The following AR variants were observed in gnomAD, a reference collection of about 807,000 sequenced individuals.
AR encodes the protein dihydrotestosterone receptor.
A neutral mutation model predicts 53.9 loss-of-function variants in AR; 8 were observed. The observed-to-expected ratio is 0.15, with a 90% CI of 0.09 to 0.27. The LOEUF is 0.27. Ranked by LOEUF, AR falls within the 10% of genes least tolerant of loss-of-function variation. The pLI, the probability that AR is intolerant of heterozygous loss-of-function variation, is 1.00. For missense variants in AR, 639 were observed against 742.5 expected (o/e 0.86, Z 1.62); for synonymous variants, 359 against 316.4 (o/e 1.13, Z -1.43).
rs745802217 is a variant in AR, at chrX:67,574,727, T to A, written c.1616+27965T>A. On this transcript the variant is annotated intron_variant, in intron 1 of 7. Coordinates refer to ENST00000374690, the MANE Select transcript of AR (RefSeq NM_000044.6). ...AAGATAAATTCTCCTAAAAGAGAGG[T>A]GCTACAATTAATCCAAGCAAAGGGA... Among the ~76,000 whole-genome samples the A allele has an allele frequency of 3.1e-4, 35 of 111,565 alleles. 1 individual carries two copies. The highest frequency in any genetic ancestry group is 1.3e-3 in the Admixed American group (14 of 10,478).
chrX:67,635,976 T>C (rs1245711847), intron 1 of AR, among the ~76,000 whole-genome samples: 1 of 111,734 alleles, frequency 8.9e-6, no homozygotes, highest in Non-Finnish European at 1.9e-5. Flanking sequence ...TTTTAGTTTT[T>C]CTTTCATTAT....
At chrX:67,597,982 C>T (rs765751031) in intron 1 of AR, among the ~76,000 whole-genome samples, 47 of 111,815 alleles carry the variant, frequency 4.2e-4, no homozygotes, top group African/African-American at 1.5e-3. Context: ...CCCTGGTTGC[C>T]TTTACTACTG....
At chrX:67,557,273 C>A (rs1290638204) in intron 1 of AR, among the ~76,000 whole-genome samples, 1 of 110,431 alleles carries the variant, frequency 9.1e-6, no homozygotes, top group Non-Finnish European at 1.9e-5. Context: ...ATGGTATAGC[C>A]AACAGCATTT....
chrX:67,631,026 C>T (rs1057252105), intron 1 of AR, among the ~76,000 whole-genome samples: 3 of 111,652 alleles, frequency 2.7e-5, no homozygotes, highest in African/African-American at 9.8e-5. Flanking sequence ...GTCTGATGGG[C>T]TTCCCTTTGA....
At chrX:67,685,881 C>A in intron 2 of AR, 129 bp from the exon 3 acceptor site, 5 of 978,251 alleles carry the variant, frequency 5.1e-6, no homozygotes, top group Middle Eastern at 3.4e-4. Context: ...TTGTTTGGTG[C>A]CATACTCTGT....
At position 67,726,927 on chromosome X, in the gene AR, G is replaced by A. The variant is rs1271221182; in HGVS notation, c.*3086G>A. On this transcript the variant is annotated 3_prime_UTR_variant, in exon 8 of 8. Transcript: ENST00000374690. ...GGATCACTCACTGGAAAAGTCACAA[G>A]GACCATCTCCAAACAAGTTGGCAGT... 2 of 173,380 alleles carry A rather than the reference G, an allele frequency of 1.2e-5. No homozygotes were observed. Among genetic ancestry groups the A allele is most frequent in the Non-Finnish European group, 2.2e-5 (2 of 90,770 alleles). 14.3% of individuals were successfully genotyped at this position (173,380 alleles called of 1,213,427 possible).
At chrX:67,678,556 G>A (rs1401735812) in intron 2 of AR, among the ~76,000 whole-genome samples, 1 of 111,724 alleles carries the variant, frequency 9.0e-6, no homozygotes, top group Admixed American at 9.5e-5. Context: ...TTTAGGTTCA[G>A]GGGTTCATGT....
In AR at chrX:67,544,757, A is replaced by G. The variant is rs953809337; in HGVS notation, c.-390A>G. ...TAGCCAAAAAACAAAACAAACAAAA[A>G]CAAAAAAGCCGAAATAAAAGAAAAA... On this transcript the variant is annotated 5_prime_UTR_variant, in exon 1 of 8. Coordinates refer to ENST00000374690, the MANE Select transcript of AR (RefSeq NM_000044.6). The G allele has an allele frequency of 6.6e-5, 12 of 181,839 alleles. No homozygotes were observed. Among genetic ancestry groups the G allele is most frequent in the African/African-American group, 2.7e-4 (9 of 33,904 alleles). The allele number at this position is 181,839 out of a possible 1,213,427, so 15.0% of individuals were successfully genotyped here.
At chrX:67,635,449 C>T (rs998980654) in intron 1 of AR, among the ~76,000 whole-genome samples, 1 of 111,432 alleles carries the variant, frequency 9.0e-6, no homozygotes, top group Non-Finnish European at 1.9e-5. Context: ...CATTTCACCC[C>T]GCTTCCACAG....
In AR at chrX:67,646,283, A is replaced by C. The variant is rs190123690; in HGVS notation, c.1768+2876A>C. 3.0e-3 allele frequency among the ~76,000 whole-genome samples: 329 copies of C among 111,417 alleles called. 2 individuals are homozygous for C. The highest frequency in any genetic ancestry group is 5.4e-3 in the Non-Finnish European group (288 of 53,115). ...GTTTTGTTGTTGAGGAAGAGTGGGA[A>C]GAGGGAGTCCTACATTTTCTCCTTG... is the stretch of plus-strand genomic sequence containing the variant. On this transcript the variant is annotated intron_variant, in intron 2 of 7. Coordinates refer to ENST00000374690, the MANE Select transcript of AR (RefSeq NM_000044.6).
intron 1 of AR, among the ~76,000 whole-genome samples, chrX:67,555,152 C>T (rs28753893): frequency 1.2e-3 from 135 of 109,935 alleles, no homozygotes; most frequent in African/African-American, 4.4e-3. Context: ...TGTATGAGAT[C>T]CTGGATTGTA....
intron 3 of AR, 31 bp from the exon 4 acceptor site, chrX:67,711,371 A>G (rs1289346399): frequency 2.6e-6 from 3 of 1,170,792 alleles, no homozygotes; most frequent in South Asian, 3.8e-5. Context: ...ACCACTGATG[A>G]TAAATTCAAG....
intron 1 of AR, among the ~76,000 whole-genome samples, chrX:67,604,945 G>T (rs778800860): frequency 8.9e-6 from 1 of 111,966 alleles, no homozygotes; most frequent in Admixed American, 9.5e-5. Context: ...TACTGTTGTT[G>T]AAAATTTGCT....
At chrX:67,589,755 T>C (rs1056883533) in intron 1 of AR, among the ~76,000 whole-genome samples, 1 of 111,694 alleles carries the variant, frequency 9.0e-6, no homozygotes, top group Non-Finnish European at 1.9e-5. Flanking sequence ...GCATGGAGGT[T>C]GGATACAGGC....
chrX:67,630,060 A>C (rs1346126389), intron 1 of AR, among the ~76,000 whole-genome samples: 2 of 110,836 alleles, frequency 1.8e-5, no homozygotes, highest in African/African-American at 6.6e-5. Context: ...ACTTCCAACT[A>C]TGTGGTCAAT....
chrX:67,676,542 C>T (rs973823259), intron 2 of AR, among the ~76,000 whole-genome samples: 7 of 111,885 alleles, frequency 6.3e-5, no homozygotes, highest in African/African-American at 9.8e-5. Flanking sequence ...ATGGGGTGTG[C>T]CTTCCCATAA....
intron 4 of AR, among the ~76,000 whole-genome samples, chrX:67,713,243 G>T (rs985238774): frequency 9.1e-6 from 1 of 110,459 alleles, no homozygotes; most frequent in Non-Finnish European, 1.9e-5. Context: ...CCTGGTCACA[G>T]CCCTAACCAT....
At chrX:67,592,105 T>C (rs1922857520) in intron 1 of AR, among the ~76,000 whole-genome samples, 1 of 112,294 alleles carries the variant, frequency 8.9e-6, no homozygotes, top group Non-Finnish European at 1.9e-5. Flanking sequence ...TTCCTTACTA[T>C]TATGTTTGCC....
chrX:67,626,642 T>G (rs112830369), intron 1 of AR, among the ~76,000 whole-genome samples: 1 of 99,371 alleles, frequency 1.0e-5, no homozygotes, highest in Non-Finnish European at 2.0e-5. Context: ...ATATTTATTA[T>G]TATTATACTT....
Sources: allele counts gnomAD v4.1 joint callset (sites outside exome capture counted in the v4.1 genomes callset), GRCh38; gene constraint gnomAD v4.1.1; transcripts MANE v1.5; gene names NCBI Gene and HGNC (gene_info 2026-07-23, HGNC 2026-07-21).